The following RADIL variants were observed in gnomAD, a reference collection of about 807,000 sequenced individuals.
The protein encoded by RADIL is Rap associating with DIL domain.
A neutral mutation model predicts 97.6 loss-of-function variants in RADIL; 99 were observed. The observed-to-expected ratio is 1.01, with a 90% CI of 0.86 to 1.20. RADIL has a LOEUF of 1.20. RADIL is among the 50% of genes most tolerant of loss of function. RADIL has a pLI of 0.00. For synonymous variants in RADIL, 803 were observed against 691.8 expected (o/e 1.16, Z -2.52); for missense variants, 1,765 against 1,498.9 (o/e 1.18, Z -2.93).
At chr7:4,836,297 G>T in intron 3 of RADIL, 61 bp downstream of exon 3, 1 of 1,548,150 alleles carries the variant, frequency 6.5e-7, no homozygotes, top group Non-Finnish European at 8.7e-7. Context: ...CTTGACTTCT[G>T]AGTCCCGCCT....
At chr7:4,829,251 C>T (rs577043703) in intron 5 of RADIL, among the ~76,000 whole-genome samples, 36 of 152,222 alleles carry the variant, frequency 2.4e-4, no homozygotes, top group Non-Finnish European at 5.0e-4. Flanking sequence ...GGAGCCCCCT[C>T]CTGTCAGGCT....
At chr7:4,877,556 T>A in intron 2 of RADIL, 49 bp downstream of exon 2, 1 of 1,539,636 alleles carries the variant, frequency 6.5e-7, no homozygotes, top group Non-Finnish European at 8.7e-7. Flanking sequence ...CGGCTGGCCT[T>A]CTCAGCGCTC....
At chr7:4,831,887 C>CAAAACA (rs1420131854) in intron 5 of RADIL, among the ~76,000 whole-genome samples, 2 of 151,988 alleles carry the variant, frequency 1.3e-5, no homozygotes, top group Non-Finnish European at 2.9e-5. Flanking sequence ...CAAAACAAAA[C>CAAAACA]AAAACAAAAA....
Position 4,797,989 on chromosome 7 carries a change from ATATT to A in RADIL, c.*1385_*1388del, listed in dbSNP as rs1316593780. 6.7e-6 allele frequency: 1 copy of A among 148,820 alleles called. No homozygotes were observed. Among genetic ancestry groups the A allele is most frequent in the Non-Finnish European group, 1.5e-5 (1 of 67,616 alleles). The allele number at this position is 148,820 out of a possible 1,614,324, so 9.2% of individuals were successfully genotyped here. ...ACTCCGTCTCATAAAAAAAAATTAA[ATATT>A]TATATTTTATATAATAAAATATAAA... On this transcript the variant is annotated 3_prime_UTR_variant, in exon 15 of 15. Coordinates refer to ENST00000399583, the MANE Select transcript of RADIL (RefSeq NM_018059.5).
rs971016007 is a variant in RADIL, at chr7:4,865,738, G to T, written c.535+11867C>A. 2.8e-6 allele frequency: 3 copies of T among 1,071,446 alleles called. No homozygotes were observed. In the African/African-American group the frequency reaches 4.7e-5, roughly 17 times the overall value. 66.4% of individuals were successfully genotyped at this position (1,071,446 alleles called of 1,614,324 possible). On this transcript the variant is annotated intron_variant, in intron 2 of 14. Coordinates refer to ENST00000399583, the MANE Select transcript of RADIL (RefSeq NM_018059.5). ...TTCTACGGGGTGGGTGCAATCAAGA[G>T]TGAACTTCAGAACCTGCTTATTTTT... is the stretch of plus-strand genomic sequence containing the variant.
intron 9 of RADIL, chr7:4,809,547 C>G (rs1043934914): frequency 1.0e-6 from 1 of 985,468 alleles, no homozygotes. Context: ...AGCCCCCAGG[C>G]CCGCCCAGGC....
At chr7:4,856,787 G>A (rs1783843373) in intron 2 of RADIL, among the ~76,000 whole-genome samples, 1 of 152,214 alleles carries the variant, frequency 6.6e-6, no homozygotes, top group African/African-American at 2.4e-5. Flanking sequence ...ATTGTGGGGT[G>A]GAAGGTTCTA....
intron 2 of RADIL, among the ~76,000 whole-genome samples, chr7:4,845,042 G>GA (rs35995078): frequency 0.54 from 80,851 of 148,430 alleles, 22,609 homozygotes; most frequent in African/African-American, 0.7. Context: ...ACCTACGTAG[G>GA]AAAAAAAAAA....
At position 4,872,243 on chromosome 7, in the gene RADIL, G is replaced by A. The variant is rs1369527794; in HGVS notation, c.535+5362C>T. 6.6e-6 allele frequency among the ~76,000 whole-genome samples: 1 copy of A among 152,214 alleles called. No homozygotes were observed. On this transcript the variant is annotated intron_variant, in intron 2 of 14. Coordinates refer to ENST00000399583, the MANE Select transcript of RADIL (RefSeq NM_018059.5). This position sits in a 1 kb window ranked among gnomAD's most constrained non-coding sequence, Gnocchi z 5.8. Reference sequence around the variant, plus strand: ...CAGGGAACATCTGGCCATGTCTGCAGACATCTTTGGTTGTTACAACTTGGG... The same window carrying A: ...CAGGGAACATCTGGCCATGTCTGCAAACATCTTTGGTTGTTACAACTTGGG...
At chr7:4,852,274 G>A (rs982198672) in intron 2 of RADIL, among the ~76,000 whole-genome samples, 10 of 152,138 alleles carry the variant, frequency 6.6e-5, no homozygotes, top group African/African-American at 2.4e-4. Context: ...ATGACTCAGA[G>A]GATGAAGCCA....
rs199542721 is a variant in RADIL at position 4,836,566 on chromosome 7, G to C, written c.575C>G (p.Ala192Gly). ...CAGGGCCGGGGTCGGGGTTCCCTTCGCGCGACTCCGCTGCAGCCTCCGGGC... is the reference window on the plus strand; with the variant it reads ...CAGGGCCGGGGTCGGGGTTCCCTTCCCGCGACTCCGCTGCAGCCTCCGGGC... ...AQARRLQRSR[A>G]KGTPTPALGD... Residue 192 changes from alanine to glycine, a missense_variant, in exon 3 of 15, where the codon GCG becomes GGG. Transcript: ENST00000399583. 1.3e-5 allele frequency: 21 copies of C among 1,607,306 alleles called. No homozygotes were observed. Among genetic ancestry groups the C allele is most frequent in the African/African-American group, 2.7e-5 (2 of 74,848 alleles).
chr7:4,810,480 T>C (rs1782509160), intron 9 of RADIL, among the ~76,000 whole-genome samples: 1 of 152,214 alleles, frequency 6.6e-6, no homozygotes, highest in African/African-American at 2.4e-5. Context: ...GGAACGAGTT[T>C]GCTCAGTCAC....
chr7:4,817,224 A>G lies in RADIL; in HGVS notation c.1728+15T>C. 1 of 1,600,864 alleles carries G rather than the reference A, an allele frequency of 6.2e-7. No individual in the cohort carries two copies. The highest frequency in any genetic ancestry group is 2.3e-5 in the East Asian group (1 of 44,400). ...AGGAGCTGCCTGAGTGCAGAAGCAGAGCCCGTCCGTGCACCTTGGAGACAT... is the reference window on the plus strand; with the variant it reads ...AGGAGCTGCCTGAGTGCAGAAGCAGGGCCCGTCCGTGCACCTTGGAGACAT... On this transcript the variant is annotated intron_variant, in intron 7 of 14. Transcript: ENST00000399583. This position sits in a 1 kb window ranked among gnomAD's most constrained non-coding sequence, Gnocchi z 8.3.
At chr7:4,838,292 AAAG>A (rs1429072174) in intron 2 of RADIL, among the ~76,000 whole-genome samples, 5 of 151,970 alleles carry the variant, frequency 3.3e-5, no homozygotes, top group African/African-American at 9.7e-5. Context: ...GCCAGATCCG[AAAG>A]AAGAACAAAA....
chr7:4,860,413 A>C (rs749044991), intron 2 of RADIL: 1 of 1,613,962 alleles, frequency 6.2e-7, no homozygotes, highest in African/African-American at 1.3e-5. Flanking sequence ...TATAAACAGT[A>C]TCTGTGAAAG....
intron 5 of RADIL, among the ~76,000 whole-genome samples, chr7:4,828,658 C>G (rs1783059654): frequency 6.6e-6 from 1 of 152,206 alleles, no homozygotes; most frequent in South Asian, 2.1e-4. Flanking sequence ...ATCATAACAT[C>G]AGTTTCAGGT....
rs1783224679 is a variant in RADIL at position 4,834,110 on chromosome 7, C to T, written c.1416+497G>A. On this transcript the variant is annotated intron_variant, in intron 4 of 14. Coordinates refer to ENST00000399583, the MANE Select transcript of RADIL (RefSeq NM_018059.5). This position sits in a 1 kb window ranked among gnomAD's most constrained non-coding sequence, Gnocchi z 6.0. ...GTCAACGCACAAAAGGTGACGGGCC[C>T]TGCACCTCCAAACTCGGATCAGGGA... Among the ~76,000 whole-genome samples, 1 of 152,156 alleles carries T rather than the reference C, an allele frequency of 6.6e-6. No individual in the cohort carries two copies. The highest frequency in any genetic ancestry group is 6.5e-5 in the Admixed American group (1 of 15,280).
chr7:4,875,515 G>C (rs534248786), intron 2 of RADIL, among the ~76,000 whole-genome samples: 1 of 152,276 alleles, frequency 6.6e-6, no homozygotes, highest in African/African-American at 2.4e-5. Flanking sequence ...GCCTTCCCAG[G>C]GCTCCTCCTC....
In RADIL at chr7:4,827,343, C is replaced by T. The variant is rs186243795; in HGVS notation, c.1455-4789G>A. ...TTGCACCAGTGCACTCCAGCGTAGA[C>T]GACAGAGCGAGACTGTCTCAAAAAA... On this transcript the variant is annotated intron_variant, in intron 5 of 14. Coordinates refer to ENST00000399583, the MANE Select transcript of RADIL (RefSeq NM_018059.5). 4.9e-3 allele frequency among the ~76,000 whole-genome samples: 650 copies of T among 133,552 alleles called. 1 individual carries two copies. The highest frequency in any genetic ancestry group is 7.7e-3 in the Non-Finnish European group (496 of 64,278). 87.6% of individuals were successfully genotyped at this position (133,552 alleles called of 152,430 possible).
Sources: allele counts gnomAD v4.1 joint callset (sites outside exome capture counted in the v4.1 genomes callset), GRCh38; gene constraint gnomAD v4.1.1; non-coding constraint Gnocchi (gnomAD v3.1); transcripts MANE v1.5; gene names NCBI Gene and HGNC (gene_info 2026-07-23, HGNC 2026-07-21).